UNC13B: variants seen among roughly 807,000 people sequenced by gnomAD.
UNC13B encodes unc-13 homolog B.
In UNC13B, 144 loss-of-function variants were observed where a neutral mutation model predicts 211.0. The observed-to-expected ratio is 0.68, with a 90% CI of 0.60 to 0.78. The LOEUF (loss-of-function observed/expected upper bound fraction) is 0.78, where lower values mean the gene tolerates loss of function less well. Ranked by LOEUF, UNC13B falls within the 30% of genes least tolerant of loss-of-function variation. The probability of loss-of-function intolerance (pLI) is 0.00; values close to 1 mark genes in which losing one functional copy is unlikely to be tolerated. For synonymous variants in UNC13B, 709 were observed against 725.8 expected, an observed-to-expected ratio of 0.98 and a Z score of 0.37; for missense variants, 1,777 against 2,002.0, an observed-to-expected ratio of 0.89 and a Z score of 2.14.
rs368995690 is a variant in UNC13B at position 35,217,513 on chromosome 9, C to T, written c.23-10502C>T. 7.7e-4 allele frequency among the ~76,000 whole-genome samples: 117 copies of T among 151,860 alleles called. 2 individuals are homozygous for T. In the South Asian group the frequency reaches 0.019, roughly 25 times the overall value. On this transcript the variant is annotated intron_variant, in intron 1 of 39. Transcript: ENST00000635942. The stretch of plus-strand genomic sequence containing the variant: ...ACGCCATTGTCCTGCCTCAGCCTCC[C>T]GAGTAGCTGGGACTACAGGGGCGTG...
chr9:35,217,624 C>T (rs1183367177), intron 1 of UNC13B, among the ~76,000 whole-genome samples: 2 of 151,992 alleles, frequency 1.3e-5, no homozygotes, highest in Admixed American at 1.3e-4. Flanking sequence ...CTCCTGACCT[C>T]GTGATCCGCC....
chr9:35,362,799 C>CAAAA (rs36011341), intron 11 of UNC13B, among the ~76,000 whole-genome samples: 2 of 98,844 alleles, frequency 2.0e-5, no homozygotes, highest in African/African-American at 3.6e-5. Flanking sequence ...GACTCCGTCT[C>CAAAA]AAAAAAAAAA....
chr9:35,228,138 T>TG, intron 2 of UNC13B, 94 bp downstream of exon 2: 4 of 1,138,642 alleles, frequency 3.5e-6, no homozygotes, highest in Non-Finnish European at 5.0e-6. Flanking sequence ...TCAAATTCAG[T>TG]AATTTGATTC....
chr9:35,375,259 G>T, intron 14 of UNC13B, 58 bp downstream of exon 14: 7 of 1,551,804 alleles, frequency 4.5e-6, no homozygotes, highest in South Asian at 1.1e-5. Flanking sequence ...GATCATCTCT[G>T]TAGCCATGCT....
chr9:35,188,228 C>G (rs1364359887), intron 1 of UNC13B, among the ~76,000 whole-genome samples: 1 of 152,140 alleles, frequency 6.6e-6, no homozygotes, highest in African/African-American at 2.4e-5. Flanking sequence ...TAAAAAAACT[C>G]ACATTTGAGA....
intron 16 of UNC13B, among the ~76,000 whole-genome samples, 191 bp downstream of exon 16, chr9:35,377,886 C>T (rs900229261): frequency 2.6e-5 from 4 of 152,054 alleles, no homozygotes; most frequent in African/African-American, 9.7e-5. Context: ...AGATTGCTAT[C>T]TGCAAACAAC....
At chr9:35,239,910 G>C (rs1825715318) in intron 5 of UNC13B, among the ~76,000 whole-genome samples, 1 of 152,076 alleles carries the variant, frequency 6.6e-6, no homozygotes, top group Non-Finnish European at 1.5e-5. Flanking sequence ...CTTTTTTCAA[G>C]GTGCCCAGAT....
chr9:35,197,807 T>A (rs1823030081), intron 1 of UNC13B, among the ~76,000 whole-genome samples: 1 of 152,184 alleles, frequency 6.6e-6, no homozygotes, highest in Non-Finnish European at 1.5e-5. Context: ...CTGCTTCCCC[T>A]TTGCCTTCCG....
At chr9:35,271,567 T>C (rs1448554649) in intron 7 of UNC13B, among the ~76,000 whole-genome samples, 1 of 152,212 alleles carries the variant, frequency 6.6e-6, no homozygotes, top group Non-Finnish European at 1.5e-5. Flanking sequence ...AACTGGTCTG[T>C]TCCTTTTCCA....
chr9:35,270,405 TACACACATGTGTATATAC>T (rs1184084583), intron 7 of UNC13B, among the ~76,000 whole-genome samples: 1 of 152,082 alleles, frequency 6.6e-6, no homozygotes, highest in Non-Finnish European at 1.5e-5. Context: ...TACACATATA[TACACACATGTGTATATAC>T]ACACACATAT....
At chr9:35,344,198 A>T (rs972150857) in intron 11 of UNC13B, among the ~76,000 whole-genome samples, 1 of 152,154 alleles carries the variant, frequency 6.6e-6, no homozygotes, top group African/African-American at 2.4e-5. Context: ...TACACTGGAG[A>T]GATACCAGCT....
chr9:35,206,849 G>A (rs1281623752), intron 1 of UNC13B, among the ~76,000 whole-genome samples: 1 of 143,558 alleles, frequency 7.0e-6, no homozygotes, highest in African/African-American at 2.6e-5. Flanking sequence ...ACTCCAGCCT[G>A]GTGACAGAGT....
chr9:35,327,872 C>A (rs567775800), intron 11 of UNC13B, among the ~76,000 whole-genome samples: 1 of 152,160 alleles, frequency 6.6e-6, no homozygotes, highest in Non-Finnish European at 1.5e-5. Context: ...CTCTAATATA[C>A]GCATCTAGCT....
intron 11 of UNC13B, among the ~76,000 whole-genome samples, chr9:35,316,298 T>C (rs890353484): frequency 2.0e-5 from 3 of 152,234 alleles, no homozygotes; most frequent in African/African-American, 7.2e-5. Context: ...AATATTGCAT[T>C]ATGACTCTTA....
At chr9:35,253,219 A>G (rs925579789) in intron 6 of UNC13B, among the ~76,000 whole-genome samples, 3 of 152,034 alleles carry the variant, frequency 2.0e-5, no homozygotes, top group Non-Finnish European at 4.4e-5. Flanking sequence ...ATAGCTCACT[A>G]CATCCTGGAA....
In UNC13B at chr9:35,400,298, A is replaced by G. The variant is rs369428628; in HGVS notation, c.12339A>G (p.Gln4113=). Residue 4113 remains glutamine, a splice_region_variant and synonymous_variant, in exon 37 of 40, where the codon CAA becomes CAG. Coordinates refer to ENST00000635942, the MANE Select transcript of UNC13B (RefSeq NM_001371189.2). ...VLDLALDTIK[Q]YFHAGGNGLK... ...ACGGGTGCTCTTTTATCTTGCAGCA[A>G]TACTTCCATGCAGGAGGCAATGGGC... 1.7e-5 allele frequency: 28 copies of G among 1,613,728 alleles called. No individual in the cohort carries two copies. The highest frequency in any genetic ancestry group is 5.3e-5 in the African/African-American group (4 of 74,920).
At chr9:35,348,931 T>A (rs975102110) in intron 11 of UNC13B, among the ~76,000 whole-genome samples, 4 of 152,152 alleles carry the variant, frequency 2.6e-5, no homozygotes, top group African/African-American at 9.7e-5. Context: ...TTCTAATTTT[T>A]TTTTTTGAGA....
At chr9:35,350,917 G>C (rs530823839) in intron 11 of UNC13B, among the ~76,000 whole-genome samples, 2 of 152,306 alleles carry the variant, frequency 1.3e-5, no homozygotes, top group Admixed American at 6.5e-5. Flanking sequence ...TATGTGATTT[G>C]AGCCTTGGTG....
chr9:35,166,101 GCCAGTCGTGGT>G (rs1821024975), intron 1 of UNC13B, among the ~76,000 whole-genome samples: 1 of 152,034 alleles, frequency 6.6e-6, no homozygotes, highest in African/African-American at 2.4e-5. Context: ...ATAAATGCAG[GCCAGTCGTGGT>G]GGCTCTTGCC....
Sources: gnomAD v4.1 joint callset for allele counts (sites outside exome capture counted in the v4.1 genomes callset) on GRCh38, gnomAD v4.1.1 for gene constraint, MANE v1.5 for transcripts, NCBI Gene and HGNC (gene_info 2026-07-23, HGNC 2026-07-21) for gene names.